The following ZNF618 variants were observed in gnomAD, a reference collection of about 807,000 sequenced individuals.
ZNF618 encodes the protein neural precursor cell expressed, developmentally down-regulated 10.
In ZNF618, 34 loss-of-function variants were observed where a neutral mutation model predicts 103.0. That is an observed-to-expected ratio of 0.33 (90% confidence interval 0.25 to 0.44). The LOEUF is 0.44. Among genes scored for constraint, ZNF618 ranks in the 20% least tolerant of loss-of-function variants. The probability of loss-of-function intolerance (pLI) is 1.00; values close to 1 mark genes in which losing one functional copy is unlikely to be tolerated. For synonymous variants in ZNF618, 551 were observed against 542.2 expected, an observed-to-expected ratio of 1.02 and a Z score of -0.23; for missense variants, 1,059 against 1,295.4, an observed-to-expected ratio of 0.82 and a Z score of 2.80.
chr9:113,992,488 G>A (rs1037830612), intron 3 of ZNF618, among the ~76,000 whole-genome samples: 1 of 152,188 alleles, frequency 6.6e-6, no homozygotes, highest in African/African-American at 2.4e-5. Context: ...CTGCTGCAGT[G>A]TGCATTCGTT....
chr9:114,000,227 G>A (rs889760587), intron 4 of ZNF618, among the ~76,000 whole-genome samples: 9 of 152,116 alleles, frequency 5.9e-5, no homozygotes, highest in African/African-American at 1.7e-4. Flanking sequence ...TGTGCCAGCC[G>A]ACTCACATGA....
At chr9:113,881,224 A>G (rs1420551081) in intron 1 of ZNF618, among the ~76,000 whole-genome samples, 1 of 152,150 alleles carries the variant, frequency 6.6e-6, no homozygotes, top group East Asian at 1.9e-4. Context: ...TTTGTGCTAT[A>G]TTTAATTTAA....
chr9:114,003,884 G>T (rs1019267039), intron 6 of ZNF618, among the ~76,000 whole-genome samples: 1 of 152,148 alleles, frequency 6.6e-6, no homozygotes, highest in Non-Finnish European at 1.5e-5. Context: ...CGTCTCCGTC[G>T]CAAGTATTCA....
At chr9:113,891,427 A>G (rs1187785886) in intron 1 of ZNF618, among the ~76,000 whole-genome samples, 1 of 152,224 alleles carries the variant, frequency 6.6e-6, no homozygotes, top group Non-Finnish European at 1.5e-5. Context: ...TCAAAACCAC[A>G]GTGAGATATC....
rs112616303 is a variant in ZNF618, at chr9:113,956,997, A to G, written c.34-12120A>G. Among the ~76,000 whole-genome samples, 1,069 of 152,290 alleles carry G rather than the reference A, an allele frequency of 7.0e-3. 15 individuals are homozygous for G. The highest frequency in any genetic ancestry group is 0.024 in the African/African-American group (998 of 41,560). ...GTTATTATCTGCATTTGACAGATGA[A>G]GAAACTGAGTCACAAAGGTTAAATG... On this transcript the variant is annotated intron_variant, in intron 1 of 14. Coordinates refer to ENST00000374126, the MANE Select transcript of ZNF618 (RefSeq NM_001318042.2).
chr9:114,002,910 A>T (rs1210024436), intron 6 of ZNF618, among the ~76,000 whole-genome samples: 1 of 152,196 alleles, frequency 6.6e-6, no homozygotes, highest in Non-Finnish European at 1.5e-5. Flanking sequence ...GTCCATGACG[A>T]CTTCTCTGGC....
rs558551825 is a variant in ZNF618 at position 113,899,254 on chromosome 9, A to G, written c.33+22841A>G. The stretch of plus-strand genomic sequence containing the variant: ...GCTACCAATCTCCAGAACTCTTCTC[A>G]TTATTCCAGGCTGAAACTCTATGCC... On this transcript the variant is annotated intron_variant, in intron 1 of 14. Transcript: ENST00000374126. Among the ~76,000 whole-genome samples, 17 of 152,116 alleles carry G rather than the reference A, an allele frequency of 1.1e-4. No individual in the cohort carries two copies. The South Asian group carries it at 3.3e-3, about 30-fold the overall frequency.
At chr9:113,935,331 G>C (rs1179363343) in intron 1 of ZNF618, among the ~76,000 whole-genome samples, 1 of 152,172 alleles carries the variant, frequency 6.6e-6, no homozygotes, top group African/African-American at 2.4e-5. Context: ...TCACCAAGGT[G>C]AAAAGTGTCA....
intron 6 of ZNF618, 114 bp from the exon 7 acceptor site, chr9:114,007,236 G>A (rs528851962): frequency 1.9e-5 from 16 of 821,614 alleles, no homozygotes; most frequent in Admixed American, 1.7e-4. Context: ...TCCTCCCTCC[G>A]CTAGCCAGAC....
chr9:114,048,641 C>T lies in ZNF618; in HGVS notation c.1349-10C>T. 2.5e-6 allele frequency: 4 copies of T among 1,601,992 alleles called. No homozygotes were observed. The highest frequency in any genetic ancestry group is 1.1e-5 in the South Asian group (1 of 89,552). On this transcript the variant is annotated splice_polypyrimidine_tract_variant and intron_variant, in intron 14 of 14. Transcript: ENST00000374126. ...GAATTAATCCCATCTGTCTTTGTGT[C>T]CTCTGCCAGCCACTACCAGTGGTTT...
intron 1 of ZNF618, among the ~76,000 whole-genome samples, chr9:113,909,132 C>G (rs939363389): frequency 6.6e-6 from 1 of 152,026 alleles, no homozygotes; most frequent in Non-Finnish European, 1.5e-5. Flanking sequence ...GACACTCTCT[C>G]TCTCTCTGAG....
intron 13 of ZNF618, among the ~76,000 whole-genome samples, chr9:114,043,635 A>G (rs748168877): frequency 1.6e-4 from 25 of 152,206 alleles, no homozygotes; most frequent in Admixed American, 4.6e-4. Context: ...GCTGTTTTCC[A>G]TAGTGGTTGT....
rs1846231182 is a variant in ZNF618 at position 114,053,099 on chromosome 9, G to A, written c.*2932G>A. 1 of 152,588 alleles carries A rather than the reference G, an allele frequency of 6.6e-6. No individual in the cohort carries two copies. The highest frequency in any genetic ancestry group is 2.1e-4 in the South Asian group (1 of 4,832). 9.5% of individuals were successfully genotyped at this position (152,588 alleles called of 1,614,324 possible). A position where few individuals can be genotyped will look rare whatever the true frequency, so the allele number is the denominator to read the frequency against. ...GGAAACTGGTGTCACCAACAGGAAAGGCTGTACCAAGGTGCCCTCTTCTCA... is the reference window on the plus strand; with the variant it reads ...GGAAACTGGTGTCACCAACAGGAAAAGCTGTACCAAGGTGCCCTCTTCTCA... On this transcript the variant is annotated 3_prime_UTR_variant, in exon 15 of 15. Transcript: ENST00000374126.
At chr9:113,995,292 ATT>A (rs34601115) in intron 3 of ZNF618, among the ~76,000 whole-genome samples, 5 of 150,580 alleles carry the variant, frequency 3.3e-5, no homozygotes, top group South Asian at 2.1e-4. Flanking sequence ...ATTCTCCAAC[ATT>A]TTTTTTTTCC....
intron 1 of ZNF618, among the ~76,000 whole-genome samples, chr9:113,900,213 C>T (rs1027496896): frequency 3.3e-5 from 5 of 152,024 alleles, no homozygotes; most frequent in Non-Finnish European, 4.4e-5. Context: ...AGGTGTGCAC[C>T]AGCACACCTG....
Position 114,028,952 on chromosome 9 carries a change from C to A in ZNF618, c.1064C>A (p.Pro355Gln). 6.4e-7 allele frequency: 1 copy of A among 1,550,652 alleles called. No individual in the cohort carries two copies. Among genetic ancestry groups the A allele is most frequent in the African/African-American group, 1.4e-5 (1 of 73,190 alleles). Residue 355 changes from proline to glutamine, a missense_variant, in exon 11 of 15, where the codon CCG becomes CAG. By Grantham distance (76) the Pro-to-Gln change is moderately conservative. Transcript: ENST00000374126. ...QTFRTPNSGS[P>Q]ASKATAAESA... ...TTCCGCACTCCAAATTCGGGATCTC[C>A]GGCGAGCAAGGCAACCGCAGGTACC...
intron 1 of ZNF618, among the ~76,000 whole-genome samples, chr9:113,933,093 A>T (rs1350802714): frequency 6.6e-6 from 1 of 152,118 alleles, no homozygotes; most frequent in African/African-American, 2.4e-5. Context: ...AGCTAAGATG[A>T]GATCTGAGGA....
At chr9:114,008,960 C>G (rs912166919) in intron 9 of ZNF618, among the ~76,000 whole-genome samples, 4 of 152,142 alleles carry the variant, frequency 2.6e-5, no homozygotes, top group Non-Finnish European at 5.9e-5. Context: ...AGTAGGTGCT[C>G]GGAAAATAAC....
chr9:113,992,092 C>A (rs1159648437), intron 3 of ZNF618, among the ~76,000 whole-genome samples: 1 of 152,204 alleles, frequency 6.6e-6, no homozygotes, highest in Non-Finnish European at 1.5e-5. Context: ...GGACTCCTCT[C>A]ATCTCAAGAT....
Sources: allele counts gnomAD v4.1 joint callset (sites outside exome capture counted in the v4.1 genomes callset), GRCh38; gene constraint gnomAD v4.1.1; transcripts MANE v1.5; gene names NCBI Gene and HGNC (gene_info 2026-07-23, HGNC 2026-07-21).